Variants in INSYN2A observed in about 807,000 individuals in gnomAD.
INSYN2A encodes the protein family with sequence similarity 196 member A.
Under a neutral mutation model 39.4 loss-of-function variants are expected in INSYN2A, and 17 were observed. The ratio of observed to expected loss-of-function variants is 0.43; its 90% confidence interval spans 0.30 to 0.65. The LOEUF is 0.65. INSYN2A is among the 30% of genes least tolerant of loss of function. The pLI, the probability that INSYN2A is intolerant of heterozygous loss-of-function variation, is 0.14. For synonymous variants in INSYN2A, 255 were observed against 265.7 expected, an observed-to-expected ratio of 0.96 and a Z score of 0.39; for missense variants, 595 against 631.2, an observed-to-expected ratio of 0.94 and a Z score of 0.61.
rs777389758 is a variant in INSYN2A, at chr10:127,137,713, G to T, written c.*124C>A. On this transcript the variant is annotated 3_prime_UTR_variant, in exon 6 of 6. Transcript: ENST00000522781. ...TACAAAGGCCTTTTTGGTACGCAGG[G>T]CGAGAAGTGGGAGGTGCCTGAATGG... 1.8e-4 allele frequency: 152 copies of T among 853,966 alleles called. No homozygotes were observed. The highest frequency in any genetic ancestry group is 2.5e-4 in the Non-Finnish European group (141 of 555,928). The allele number at this position is 853,966 out of a possible 1,614,324, so 52.9% of individuals were successfully genotyped here. A position where few individuals can be genotyped will look rare whatever the true frequency, so the allele number is the denominator to read the frequency against.
At chr10:127,153,223 G>T (rs1463502176) in intron 5 of INSYN2A, among the ~76,000 whole-genome samples, 2 of 152,174 alleles carry the variant, frequency 1.3e-5, no homozygotes, top group Non-Finnish European at 2.9e-5. Context: ...CCTTCTGAAG[G>T]TTTTGACTAT....
intron 2 of INSYN2A, among the ~76,000 whole-genome samples, chr10:127,183,071 CTTTT>C (rs3066813): frequency 0.011 from 1,000 of 88,628 alleles, 3 homozygotes; most frequent in African/African-American, 0.014. Flanking sequence ...TATGGTGAAT[CTTTT>C]TTTTTTTTTT....
chr10:127,143,312 T>C (rs2051456407), intron 5 of INSYN2A, among the ~76,000 whole-genome samples: 1 of 152,224 alleles, frequency 6.6e-6, no homozygotes, highest in African/African-American at 2.4e-5. Flanking sequence ...GACAGGGCCA[T>C]GTGGCTCGGT....
intron 4 of INSYN2A, among the ~76,000 whole-genome samples, chr10:127,169,209 T>C (rs761058603): frequency 6.6e-6 from 1 of 151,730 alleles, no homozygotes; most frequent in Non-Finnish European, 1.5e-5. Flanking sequence ...ACACACAGAG[T>C]TCCAAAGCAG....
chr10:127,180,826 G>T (rs1243783108), intron 2 of INSYN2A, among the ~76,000 whole-genome samples: 3 of 152,176 alleles, frequency 2.0e-5, no homozygotes, highest in Non-Finnish European at 2.9e-5. Flanking sequence ...AATGTTAAGT[G>T]AAACAAAGCA....
At chr10:127,144,079 C>T (rs183270988) in intron 5 of INSYN2A, among the ~76,000 whole-genome samples, 14 of 152,242 alleles carry the variant, frequency 9.2e-5, no homozygotes, top group East Asian at 3.9e-4. Context: ...CCTTCCTCTC[C>T]GCCCACCTTC....
chr10:127,190,539 A>ATT (rs36100618), intron 2 of INSYN2A, among the ~76,000 whole-genome samples: 110 of 24,850 alleles, frequency 4.4e-3, no homozygotes, highest in African/African-American at 0.016. Context: ...GCTTCATCCA[A>ATT]TTTCCTCCTA....
In INSYN2A at chr10:127,137,689, A is replaced by G; in HGVS notation, c.*148T>C. 1 of 655,852 alleles carries G rather than the reference A, an allele frequency of 1.5e-6. No individual in the cohort carries two copies. Among genetic ancestry groups the G allele is most frequent in the Non-Finnish European group, 2.6e-6 (1 of 388,928 alleles). 40.6% of individuals were successfully genotyped at this position (655,852 alleles called of 1,614,324 possible). A position where few individuals can be genotyped will look rare whatever the true frequency, so the allele number is the denominator to read the frequency against. On this transcript the variant is annotated 3_prime_UTR_variant, in exon 6 of 6. Coordinates refer to ENST00000522781, the MANE Select transcript of INSYN2A (RefSeq NM_001039762.3). ...TTGCTTCTGTTAATTATCTATTGGT[A>G]CAAAGGCCTTTTTGGTACGCAGGGC... is the stretch of plus-strand genomic sequence containing the variant.
chr10:127,195,824 G>A (rs2057089536), intron 1 of INSYN2A, among the ~76,000 whole-genome samples, 173 bp downstream of exon 1: 2 of 152,152 alleles, frequency 1.3e-5, no homozygotes, highest in Non-Finnish European at 2.9e-5. Flanking sequence ...GTCCGCTCCC[G>A]GCTGCACCGG....
At position 127,141,667 on chromosome 10, in the gene INSYN2A, T is replaced by A. The variant is rs1395164308; in HGVS notation, c.1257-3647A>T. 3.3e-5 allele frequency among the ~76,000 whole-genome samples: 5 copies of A among 151,752 alleles called. No individual in the cohort carries two copies. The East Asian group carries it at 9.7e-4, about 29-fold the overall frequency. ...CCCTGGGTGACAGAGTGAGACTTTG[T>A]CTTTAAAACAAAAAAAAAAAAAAAG... On this transcript the variant is annotated intron_variant, in intron 5 of 5. Transcript: ENST00000522781.
At chr10:127,141,160 T>G (rs1387686840) in intron 5 of INSYN2A, among the ~76,000 whole-genome samples, 5 of 152,360 alleles carry the variant, frequency 3.3e-5, no homozygotes, top group Middle Eastern at 3.4e-3. Context: ...CTCCTTGTTG[T>G]CTGACCACCT....
chr10:127,153,231 T>C (rs1375893680), intron 5 of INSYN2A, among the ~76,000 whole-genome samples: 1 of 152,252 alleles, frequency 6.6e-6, no homozygotes, highest in Admixed American at 6.5e-5. Context: ...AGGTTTTGAC[T>C]ATATCTTAAA....
rs982182071 is a variant in INSYN2A at position 127,175,377 on chromosome 10, A to G, written c.1019T>C (p.Val340Ala). The G allele has an allele frequency of 3.7e-6, 6 of 1,613,864 alleles. No homozygotes were observed. Among genetic ancestry groups the G allele is most frequent in the Non-Finnish European group, 5.1e-6 (6 of 1,180,030 alleles). The change falls in exon 4 of 6, where the codon GTT (valine) becomes GCT (alanine). Residue 340 changes from valine (V) to alanine (A), a missense_variant. Val to Ala is a moderately conservative substitution (Grantham distance 64, BLOSUM62 0). Around this residue, in one of 2 missense-constraint regions of INSYN2A, gnomAD observed 478 missense variants for 467.4 expected, o/e 1.02. Coordinates refer to ENST00000522781, the MANE Select transcript of INSYN2A (RefSeq NM_001039762.3). This position sits in a 1 kb window ranked among gnomAD's most constrained non-coding sequence, Gnocchi z 6.3. Reference sequence around the variant, plus strand: ...TCGTTGGCATTCTTCACCTGCAGCAACCGCTGTGGGACTAGGCTGGTTCCC... The same window carrying G: ...TCGTTGGCATTCTTCACCTGCAGCAGCCGCTGTGGGACTAGGCTGGTTCCC... The part of the protein sequence containing the change: ...GLGNQPSPTA[V>A]AAGEECQRIV...
At chr10:127,186,519 C>CT (rs1237473205) in intron 2 of INSYN2A, among the ~76,000 whole-genome samples, 1 of 77,822 alleles carries the variant, frequency 1.3e-5, no homozygotes, top group Non-Finnish European at 3.5e-5. Flanking sequence ...CCCCCCGCCC[C>CT]CCCCCGATCC....
At chr10:127,194,727 G>A (rs2056981777) in intron 1 of INSYN2A, among the ~76,000 whole-genome samples, 1 of 152,152 alleles carries the variant, frequency 6.6e-6, no homozygotes, top group African/African-American at 2.4e-5. Flanking sequence ...TGAGGGGGGA[G>A]CGTTCAAGTG....
At chr10:127,188,842 T>C (rs960770038) in intron 2 of INSYN2A, among the ~76,000 whole-genome samples, 3 of 152,176 alleles carry the variant, frequency 2.0e-5, no homozygotes, top group African/African-American at 7.2e-5. Context: ...GAAGGAGAAA[T>C]TACTATTTGT....
chr10:127,161,749 C>T (rs547801633), intron 4 of INSYN2A, among the ~76,000 whole-genome samples: 5 of 152,306 alleles, frequency 3.3e-5, no homozygotes, highest in Admixed American at 3.3e-4. Flanking sequence ...TGCCAGAACA[C>T]CTGTCTTGCC....
At chr10:127,170,769 CT>C (rs2054500747) in intron 4 of INSYN2A, among the ~76,000 whole-genome samples, 1 of 152,200 alleles carries the variant, frequency 6.6e-6, no homozygotes, top group African/African-American at 2.4e-5. Flanking sequence ...CCTTCAATGA[CT>C]CCCATTAGTG....
At chr10:127,177,595 T>C (rs1433126389) in intron 2 of INSYN2A, among the ~76,000 whole-genome samples, 2 of 152,174 alleles carry the variant, frequency 1.3e-5, no homozygotes, top group Non-Finnish European at 2.9e-5. Context: ...GGCAAGGTCA[T>C]GGACATGGGC....
Sources: gnomAD v4.1 joint callset for allele counts (sites outside exome capture counted in the v4.1 genomes callset) on GRCh38, gnomAD v4.1.1 for gene constraint, gnomAD v4.1.1 regional missense constraint, Gnocchi (gnomAD v3.1) non-coding constraint, MANE v1.5 for transcripts, NCBI Gene and HGNC (gene_info 2026-07-23, HGNC 2026-07-21) for gene names.